Variants in TRIM2 observed in about 807,000 individuals in gnomAD.
TRIM2 encodes the protein tripartite motif containing 2, also known as tripartite motif-containing protein 2.
Under a neutral mutation model 75.2 loss-of-function variants are expected in TRIM2, and 20 were observed. The ratio of observed to expected loss-of-function variants is 0.27; its 90% CI spans 0.19 to 0.39. The LOEUF (loss-of-function observed/expected upper bound fraction) is 0.39. TRIM2 is among the 10% of genes least tolerant of loss of function. The pLI, the probability that TRIM2 is intolerant of heterozygous loss-of-function variation, is 1.00. For synonymous variants in TRIM2, 373 were observed against 388.3 expected (o/e 0.96, Z 0.46); for missense variants, 660 against 990.8 (o/e 0.67, Z 4.48).
At chr4:153,236,557 C>T (rs1306226753) in intron 1 of TRIM2, among the ~76,000 whole-genome samples, 2 of 152,154 alleles carry the variant, frequency 1.3e-5, no homozygotes, top group Non-Finnish European at 2.9e-5. Flanking sequence ...CCACAGCAAC[C>T]CACTATGGAC....
At chr4:153,188,525 G>A (rs1419572321) in intron 1 of TRIM2, among the ~76,000 whole-genome samples, 1 of 152,158 alleles carries the variant, frequency 6.6e-6, no homozygotes, top group East Asian at 1.9e-4. Context: ...CAGTCTATTA[G>A]CCTTGTTCTT....
At chr4:153,198,679 T>C (rs1250609226) in intron 1 of TRIM2, among the ~76,000 whole-genome samples, 1 of 152,222 alleles carries the variant, frequency 6.6e-6, no homozygotes, top group Non-Finnish European at 1.5e-5. Flanking sequence ...TTTATGTGTA[T>C]ATCATTTTTT....
At position 153,336,680 on chromosome 4, in the gene TRIM2, C is replaced by G; in HGVS notation, c.*1714C>G. On this transcript the variant is annotated 3_prime_UTR_variant, in exon 12 of 12. Transcript: ENST00000338700. ...AATTATATGAATGTGATGTTTATTGCTTATTAATTTATAATTCAGTCATTC... is the reference window on the plus strand; with the variant it reads ...AATTATATGAATGTGATGTTTATTGGTTATTAATTTATAATTCAGTCATTC... 1.0e-6 allele frequency: 1 copy of G among 984,872 alleles called. No individual in the cohort carries two copies. Among genetic ancestry groups the G allele is most frequent in the African/African-American group, 1.7e-5 (1 of 57,284 alleles). 61.0% of individuals were successfully genotyped at this position (984,872 alleles called of 1,614,324 possible).
At position 153,244,313 on chromosome 4, in the gene TRIM2, C is replaced by T. The variant is rs866554742; in HGVS notation, c.31-26022C>T. ...CCTCCTCCTCCTCCTCCTCCTCCTC[C>T]TCCTCCTCTTCTTCTTCTTCTTCTT... is the stretch of plus-strand genomic sequence containing the variant. On this transcript the variant is annotated intron_variant, in intron 1 of 11. Coordinates refer to ENST00000338700, the MANE Select transcript of TRIM2 (RefSeq NM_015271.5). Among the ~76,000 whole-genome samples the T allele has an allele frequency of 4.7e-3, 132 of 27,944 alleles. 8 individuals are homozygous for T. Among genetic ancestry groups the T allele is most frequent in the African/African-American group, 0.011 (58 of 5,142 alleles). The allele number at this position is 27,944 out of a possible 152,430, so 18.3% of individuals were successfully genotyped here.
At chr4:153,244,170 T>G (rs1336185448) in intron 1 of TRIM2, among the ~76,000 whole-genome samples, 19 of 144,394 alleles carry the variant, frequency 1.3e-4, no homozygotes, top group African/African-American at 5.3e-4. Flanking sequence ...TTCTTCTTCT[T>G]CTTCTTCTTC....
rs1300616108 is a variant in TRIM2, at chr4:153,244,184, TCC to T, written c.31-26150_31-26149del. Among the ~76,000 whole-genome samples the T allele has an allele frequency of 2.1e-5, 3 of 142,006 alleles. No homozygotes were observed. In the East Asian group the frequency reaches 6.3e-4, roughly 30 times the overall value. 93.2% of individuals were successfully genotyped at this position (142,006 alleles called of 152,430 possible). On this transcript the variant is annotated intron_variant, in intron 1 of 11. Transcript: ENST00000338700. ...CTTCTTCTTCTTCTTCTTCTTCTCC[TCC>T]TTCTTCTTCTCCTCCTTTTCCTTCT...
chr4:153,155,000 C>A lies in TRIM2; in HGVS notation c.-49+1730C>A, dbSNP rs1314046152. The stretch of plus-strand genomic sequence containing the variant: ...ACTGAAAATACAAAAAATAGCCAGG[C>A]GTAATGGTGGGCACCTGTAATCCCA... On this transcript the variant is annotated intron_variant, in intron 1 of 11. Coordinates refer to the TRIM2 transcript ENST00000437508. Among the ~76,000 whole-genome samples, 4 of 152,090 alleles carry A rather than the reference C, an allele frequency of 2.6e-5. No individual in the cohort carries two copies. The South Asian group carries it at 8.3e-4, about 32-fold the overall frequency.
intron 6 of TRIM2, among the ~76,000 whole-genome samples, chr4:153,296,325 G>GA (rs1762762375): frequency 6.6e-6 from 1 of 152,096 alleles, no homozygotes; most frequent in African/African-American, 2.4e-5. Context: ...ATTACAAGCT[G>GA]AAAATAAGCA....
At chr4:153,285,738 T>G (rs1458046327) in intron 3 of TRIM2, among the ~76,000 whole-genome samples, 1 of 148,736 alleles carries the variant, frequency 6.7e-6, no homozygotes, top group Non-Finnish European at 1.5e-5. Context: ...ATTTATTAGC[T>G]CTAATTGTGT....
chr4:153,261,801 A>C (rs1224558267), intron 1 of TRIM2, among the ~76,000 whole-genome samples: 1 of 152,202 alleles, frequency 6.6e-6, no homozygotes, highest in Non-Finnish European at 1.5e-5. Flanking sequence ...ATAATTTGGG[A>C]TGGAAAATGT....
intron 1 of TRIM2, among the ~76,000 whole-genome samples, chr4:153,183,002 G>A (rs1031244987): frequency 1.3e-5 from 2 of 152,176 alleles, no homozygotes; most frequent in East Asian, 3.8e-4. Context: ...GTATCACCTA[G>A]CATAGCACTT....
intron 1 of TRIM2, among the ~76,000 whole-genome samples, chr4:153,243,863 GGA>G (rs1176253607): frequency 1.5e-5 from 2 of 135,180 alleles, no homozygotes; most frequent in Non-Finnish European, 3.0e-5. Context: ...TGCCCAGACT[GGA>G]GAGAGAGCAG....
intron 3 of TRIM2, among the ~76,000 whole-genome samples, chr4:153,287,403 A>G (rs1760891688): frequency 6.6e-6 from 1 of 152,156 alleles, no homozygotes; most frequent in Admixed American, 6.6e-5. Context: ...GGAGAGTTTA[A>G]TCCATTTAAA....
At chr4:153,196,854 T>C (rs1288643081) in intron 1 of TRIM2, among the ~76,000 whole-genome samples, 2 of 152,198 alleles carry the variant, frequency 1.3e-5, no homozygotes, top group African/African-American at 4.8e-5. Context: ...TAGTCATGGT[T>C]TACCTCAATG....
At chr4:153,282,625 T>G (rs1323914939) in intron 3 of TRIM2, among the ~76,000 whole-genome samples, 3 of 152,234 alleles carry the variant, frequency 2.0e-5, no homozygotes, top group Non-Finnish European at 4.4e-5. Context: ...TTTGTTTTTT[T>G]GTTTTGAGAC....
rs577202451 is a variant in TRIM2 at position 153,170,537 on chromosome 4, C to T, written c.-49+17267C>T. Among the ~76,000 whole-genome samples the T allele has an allele frequency of 1.2e-4, 19 of 152,208 alleles. No individual in the cohort carries two copies. In the South Asian group the frequency reaches 3.9e-3, roughly 32 times the overall value. On this transcript the variant is annotated intron_variant, in intron 1 of 11. Coordinates refer to the TRIM2 transcript ENST00000437508. ...TTTTAAAAAAATCCTGCAGTTATGCCACAGCAACCCCCAAACACAAGCTGG... is the reference window on the plus strand; with the variant it reads ...TTTTAAAAAAATCCTGCAGTTATGCTACAGCAACCCCCAAACACAAGCTGG...
At chr4:153,326,810 G>A (rs181650919) in intron 10 of TRIM2, among the ~76,000 whole-genome samples, 108 of 152,126 alleles carry the variant, frequency 7.1e-4, no homozygotes, top group African/African-American at 2.1e-3. Context: ...GCGAAACCTC[G>A]TCTCCAGTAA....
intron 1 of TRIM2, among the ~76,000 whole-genome samples, chr4:153,246,898 G>A (rs1248219939): frequency 6.6e-6 from 1 of 152,156 alleles, no homozygotes; most frequent in African/African-American, 2.4e-5. Flanking sequence ...GTGGCCTTGT[G>A]GCTTCCTGGC....
At chr4:153,271,576 TG>T (rs1474461170) in intron 2 of TRIM2, among the ~76,000 whole-genome samples, 1 of 152,164 alleles carries the variant, frequency 6.6e-6, no homozygotes, top group African/African-American at 2.4e-5. Context: ...TGTGGGGTTT[TG>T]TGTGTGTGCG....
Sources: gnomAD v4.1 joint callset for allele counts (sites outside exome capture counted in the v4.1 genomes callset) on GRCh38, gnomAD v4.1.1 for gene constraint, MANE v1.5 for transcripts, NCBI Gene and HGNC (gene_info 2026-07-23, HGNC 2026-07-21) for gene names.